AP2B1: variants seen among roughly 807,000 people sequenced by gnomAD.
AP2B1 encodes the protein adaptor related protein complex 2 subunit beta 1.
A neutral mutation model predicts 102.0 loss-of-function variants in AP2B1; 23 were observed. That is an observed-to-expected ratio of 0.23 (90% CI 0.16 to 0.32). The LOEUF (loss-of-function observed/expected upper bound fraction) is 0.32. AP2B1 is among the 10% of genes least tolerant of loss of function. The pLI is 1.00. For missense variants in AP2B1, 541 were observed against 1,157.4 expected, an observed-to-expected ratio of 0.47 and a Z score of 7.73; for synonymous variants, 381 against 421.2, an observed-to-expected ratio of 0.90 and a Z score of 1.17.
chr17:35,720,545 T>TTA (rs1213888032), intron 21 of AP2B1, among the ~76,000 whole-genome samples: 970 of 54,308 alleles, frequency 0.018, 29 homozygotes, highest in Middle Eastern at 0.034. Flanking sequence ...TTTATTTTAT[T>TTA]TATATATATA....
chr17:35,605,906 A>G, intron 4 of AP2B1, 66 bp downstream of exon 4: 2 of 1,572,930 alleles, frequency 1.3e-6, no homozygotes, highest in Non-Finnish European at 1.7e-6. Context: ...GTTCACAAGG[A>G]AGGAGTGTAG....
At chr17:35,686,028 G>T (rs1297012964) in intron 18 of AP2B1, among the ~76,000 whole-genome samples, 1 of 152,180 alleles carries the variant, frequency 6.6e-6, no homozygotes, top group East Asian at 1.9e-4. Flanking sequence ...CTCCCAAAGT[G>T]CTGGGATTAC....
At chr17:35,606,518 A>G (rs1013444336) in intron 4 of AP2B1, among the ~76,000 whole-genome samples, 12 of 152,016 alleles carry the variant, frequency 7.9e-5, no homozygotes, top group African/African-American at 1.2e-4. Context: ...GGGGTTACGG[A>G]CACAAGCCAC....
At chr17:35,656,670 C>T (rs564295407) in intron 13 of AP2B1, among the ~76,000 whole-genome samples, 11 of 152,114 alleles carry the variant, frequency 7.2e-5, no homozygotes, top group South Asian at 6.2e-4. Context: ...CTAAGGTGGG[C>T]GGATCACAAG....
chr17:35,665,369 A>G (rs888390615), intron 14 of AP2B1, among the ~76,000 whole-genome samples: 1 of 151,764 alleles, frequency 6.6e-6, no homozygotes, highest in Non-Finnish European at 1.5e-5. Context: ...CAGGCAATCC[A>G]CCTGCCTCAG....
intron 13 of AP2B1, among the ~76,000 whole-genome samples, chr17:35,652,346 A>G (rs1318465886): frequency 6.6e-6 from 1 of 152,190 alleles, no homozygotes; most frequent in Non-Finnish European, 1.5e-5. Flanking sequence ...CTGCAATGTG[A>G]GGTTAATAAG....
chr17:35,716,702 C>T (rs1022764870), intron 20 of AP2B1, among the ~76,000 whole-genome samples: 1 of 152,094 alleles, frequency 6.6e-6, no homozygotes, highest in African/African-American at 2.4e-5. Context: ...GCAGTTGAGG[C>T]CCGAATGGCT....
At chr17:35,719,698 T>G (rs2085298184) in intron 21 of AP2B1, among the ~76,000 whole-genome samples, 1 of 152,192 alleles carries the variant, frequency 6.6e-6, no homozygotes, top group South Asian at 2.1e-4. Context: ...TATGTAGTTG[T>G]GAGAAATTAT....
At chr17:35,671,201 C>G (rs893642173) in intron 15 of AP2B1, among the ~76,000 whole-genome samples, 3 of 152,128 alleles carry the variant, frequency 2.0e-5, no homozygotes, top group African/African-American at 7.2e-5. Flanking sequence ...TGCTTATTCC[C>G]TGGTGTCACC....
At chr17:35,681,345 G>T (rs1411069499) in intron 17 of AP2B1, among the ~76,000 whole-genome samples, 1 of 152,142 alleles carries the variant, frequency 6.6e-6, no homozygotes, top group East Asian at 1.9e-4. Context: ...AGGTTATCAA[G>T]CCTGTAAAAT....
intron 1 of AP2B1, among the ~76,000 whole-genome samples, chr17:35,591,304 C>A (rs1405207125): frequency 6.6e-6 from 1 of 151,908 alleles, no homozygotes; most frequent in Non-Finnish European, 1.5e-5. Flanking sequence ...TGAGTCCCAG[C>A]TGGGACTACA....
chr17:35,597,089 G>A, intron 2 of AP2B1: 2 of 541,312 alleles, frequency 3.7e-6, no homozygotes, highest in Non-Finnish European at 6.8e-6. Context: ...CCCCCGCTCC[G>A]GGGCCACTGA....
At chr17:35,688,003 G>A (rs1260819937) in intron 18 of AP2B1, among the ~76,000 whole-genome samples, 3 of 152,184 alleles carry the variant, frequency 2.0e-5, no homozygotes, top group African/African-American at 7.2e-5. Flanking sequence ...ATTCCATTGA[G>A]ATCAGACCCT....
intron 18 of AP2B1, among the ~76,000 whole-genome samples, chr17:35,689,459 A>G (rs1001024876): frequency 1.2e-4 from 18 of 152,188 alleles, no homozygotes; most frequent in African/African-American, 3.9e-4. Flanking sequence ...TACCACCCCC[A>G]GCTCAGTATG....
At chr17:35,718,361 C>G (rs1376751587) in intron 21 of AP2B1, among the ~76,000 whole-genome samples, 1 of 146,402 alleles carries the variant, frequency 6.8e-6, no homozygotes, top group African/African-American at 2.5e-5. Context: ...TGTGTGTGCT[C>G]GCTCCTGAGG....
chr17:35,645,749 T>C (rs1431891289), intron 12 of AP2B1, among the ~76,000 whole-genome samples: 3 of 152,126 alleles, frequency 2.0e-5, no homozygotes, highest in Non-Finnish European at 4.4e-5. Context: ...CTCGGGAGGC[T>C]GAGGCAGGAG....
At chr17:35,720,544 T>TA (rs1555592389) in intron 21 of AP2B1, among the ~76,000 whole-genome samples, 2,503 of 89,588 alleles carry the variant, frequency 0.028, 200 homozygotes, top group South Asian at 0.07. Flanking sequence ...TTTTATTTTA[T>TA]TTATATATAT....
chr17:35,608,537 A>G (rs1472478957), intron 5 of AP2B1, 150 bp downstream of exon 5: 1 of 1,006,390 alleles, frequency 9.9e-7, no homozygotes, highest in African/African-American at 1.6e-5. Flanking sequence ...TGTATATTTC[A>G]TATCCTAGGT....
At chr17:35,632,179 G>T (rs911549868) in intron 9 of AP2B1, among the ~76,000 whole-genome samples, 2 of 151,726 alleles carry the variant, frequency 1.3e-5, no homozygotes, top group Admixed American at 6.6e-5. Flanking sequence ...TGTCGCCCAG[G>T]CTGGAGTGCA....
Sources: allele counts gnomAD v4.1 joint callset (sites outside exome capture counted in the v4.1 genomes callset), GRCh38; gene constraint gnomAD v4.1.1; transcripts MANE v1.5; gene names NCBI Gene and HGNC (gene_info 2026-07-23, HGNC 2026-07-21).